WWOX: variants seen among roughly 807,000 people sequenced by gnomAD.
The protein encoded by WWOX is WW domain-containing oxidoreductase.
WWOX carries 69 observed loss-of-function variants against 46.2 expected under a neutral mutation model. The observed-to-expected ratio is 1.49, with a 90% CI of 1.23 to 1.82. The LOEUF is 1.82. WWOX is among the 40% of genes most tolerant of loss of function. The pLI is 0.00. For synonymous variants in WWOX, 359 were observed against 202.6 expected (o/e 1.77, Z -6.56); for missense variants, 919 against 542.6 (o/e 1.69, Z -6.89).
intron 8 of WWOX, among the ~76,000 whole-genome samples, chr16:78,507,997 CGTGTGT>C (rs959701013): frequency 6.5e-5 from 2 of 30,958 alleles, no homozygotes; most frequent in African/African-American, 8.4e-5. Context: ...TGGTTGCGTG[CGTGTGT>C]GTGTGTGTGT....
At chr16:78,260,530 T>C (rs1253958635) in intron 5 of WWOX, among the ~76,000 whole-genome samples, 1 of 151,386 alleles carries the variant, frequency 6.6e-6, no homozygotes, top group African/African-American at 2.4e-5. Context: ...TAGCTGGGCA[T>C]GGTGGCAGGT....
chr16:78,406,022 A>T (rs1170165264), intron 6 of WWOX, among the ~76,000 whole-genome samples: 3 of 152,098 alleles, frequency 2.0e-5, no homozygotes, highest in African/African-American at 7.2e-5. Context: ...TTCTCATTCC[A>T]TCAATAGAAT....
At chr16:78,532,440 G>C (rs1228823217) in intron 8 of WWOX, among the ~76,000 whole-genome samples, 1 of 152,088 alleles carries the variant, frequency 6.6e-6, no homozygotes, top group Admixed American at 6.5e-5. Flanking sequence ...CCCTGAAGCT[G>C]AAATGCATGA....
At chr16:78,261,689 T>TG (rs201529897) in intron 5 of WWOX, among the ~76,000 whole-genome samples, 2,010 of 149,218 alleles carry the variant, frequency 0.013, 88 homozygotes, top group African/African-American at 0.048. Context: ...AGGCTCCACT[T>TG]GCAATATCAC....
At chr16:78,969,574 C>T (rs1043979729) in intron 8 of WWOX, among the ~76,000 whole-genome samples, 1 of 152,152 alleles carries the variant, frequency 6.6e-6, no homozygotes, top group Non-Finnish European at 1.5e-5. Context: ...CCCAGCCACT[C>T]TCTTTCAACT....
intron 8 of WWOX, chr16:78,535,759 G>C (rs184938443): frequency 6.6e-6 from 1 of 152,248 alleles, no homozygotes; most frequent in Admixed American, 6.5e-5. Context: ...CACTGTTCCC[G>C]TTGGCCATGG....
At chr16:78,725,202 A>G (rs928769153) in intron 8 of WWOX, among the ~76,000 whole-genome samples, 17 of 151,334 alleles carry the variant, frequency 1.1e-4, no homozygotes, top group Admixed American at 3.3e-4. Flanking sequence ...ACTGCCATGT[A>G]TGATGTGCCT....
intron 8 of WWOX, among the ~76,000 whole-genome samples, chr16:79,173,813 T>A (rs2050747712): frequency 6.6e-6 from 1 of 151,280 alleles, no homozygotes; most frequent in South Asian, 2.1e-4. Context: ...CAAAGTGGGG[T>A]TCAAAATGAG....
At chr16:78,584,395 G>T (rs1178185279) in intron 8 of WWOX, among the ~76,000 whole-genome samples, 2 of 152,120 alleles carry the variant, frequency 1.3e-5, no homozygotes, top group Non-Finnish European at 2.9e-5. Flanking sequence ...TCCAGGCTTG[G>T]GATTTCGCAA....
At chr16:78,988,013 A>AG (rs553960738) in intron 8 of WWOX, among the ~76,000 whole-genome samples, 15 of 151,972 alleles carry the variant, frequency 9.9e-5, no homozygotes, top group Non-Finnish European at 1.5e-4. Flanking sequence ...TATTTTATAA[A>AG]GGGGGGGTGG....
intron 8 of WWOX, among the ~76,000 whole-genome samples, chr16:78,518,791 G>A (rs2043290502): frequency 6.6e-6 from 1 of 152,156 alleles, no homozygotes; most frequent in Non-Finnish European, 1.5e-5. Context: ...TCAAGACAGG[G>A]ATTTCCTTTA....
At chr16:78,797,095 G>T (rs1221108820) in intron 8 of WWOX, among the ~76,000 whole-genome samples, 1 of 151,964 alleles carries the variant, frequency 6.6e-6, no homozygotes, top group East Asian at 1.9e-4. Flanking sequence ...TAAAGTGTTG[G>T]GGTTGCAGGC....
chr16:78,457,162 G>A (rs1420950151), intron 8 of WWOX, among the ~76,000 whole-genome samples: 3 of 152,206 alleles, frequency 2.0e-5, no homozygotes, highest in East Asian at 1.9e-4. Context: ...ACCCTTTTTT[G>A]TTTTGTTTCT....
chr16:78,592,904 A>G (rs2045384671), intron 8 of WWOX, among the ~76,000 whole-genome samples: 2 of 152,144 alleles, frequency 1.3e-5, no homozygotes, highest in South Asian at 4.1e-4. Flanking sequence ...TGGAGAGGGA[A>G]CTAACTTCTT....
chr16:78,965,819 A>G (rs1007079704), intron 8 of WWOX, among the ~76,000 whole-genome samples: 1 of 152,102 alleles, frequency 6.6e-6, no homozygotes, highest in Non-Finnish European at 1.5e-5. Context: ...CTTATTGATT[A>G]TTTGTTTGAT....
intron 5 of WWOX, among the ~76,000 whole-genome samples, chr16:78,359,763 C>T (rs946014491): frequency 2.6e-5 from 4 of 152,210 alleles, no homozygotes; most frequent in Non-Finnish European, 4.4e-5. Flanking sequence ...TTGAGAAGCT[C>T]ATAATTCGGT....
chr16:78,514,740 T>A (rs889389831), intron 8 of WWOX, among the ~76,000 whole-genome samples: 4 of 152,242 alleles, frequency 2.6e-5, no homozygotes, highest in Admixed American at 6.5e-5. Context: ...GTTTTCTGGC[T>A]ATATAAACAC....
chr16:79,000,983 C>A (rs981752576), intron 8 of WWOX, among the ~76,000 whole-genome samples: 1 of 152,158 alleles, frequency 6.6e-6, no homozygotes, highest in African/African-American at 2.4e-5. Flanking sequence ...TAGGGCCTAC[C>A]ACCGCCTGGG....
chr16:79,165,388 A>C (rs1172454456), intron 8 of WWOX, among the ~76,000 whole-genome samples: 2 of 152,202 alleles, frequency 1.3e-5, no homozygotes, highest in Non-Finnish European at 2.9e-5. Context: ...CAGACATGGA[A>C]TCCTTTCTTA....
Sources: gnomAD v4.1 joint callset for allele counts (sites outside exome capture counted in the v4.1 genomes callset) on GRCh38, gnomAD v4.1.1 for gene constraint, MANE v1.5 for transcripts, NCBI Gene and HGNC (gene_info 2026-07-23, HGNC 2026-07-21) for gene names.